Variants in SDK1 observed in about 807,000 individuals in gnomAD.
SDK1 encodes the protein protein sidekick-1.
A neutral mutation model predicts 245.5 loss-of-function variants in SDK1; 157 were observed. The observed-to-expected ratio is 0.64, with a 90% confidence interval of 0.56 to 0.73. The LOEUF (loss-of-function observed/expected upper bound fraction) is 0.73. Ranked by LOEUF, SDK1 falls within the 30% of genes least tolerant of loss-of-function variation. The pLI, the probability that SDK1 is intolerant of heterozygous loss-of-function variation, is 0.00. For missense variants in SDK1, 3,583 were observed against 3,002.3 expected (o/e 1.19, Z -4.52); for synonymous variants, 1,647 against 1,278.5 (o/e 1.29, Z -6.15).
chr7:4,042,605 G>A (rs1788712969), intron 17 of SDK1, among the ~76,000 whole-genome samples: 1 of 92,364 alleles, frequency 1.1e-5, no homozygotes, highest in Admixed American at 8.8e-5. Flanking sequence ...TGGAGGCACA[G>A]CAAGGGTCTA....
chr7:3,763,736 A>C (rs1043831881), intron 4 of SDK1, among the ~76,000 whole-genome samples: 1 of 152,194 alleles, frequency 6.6e-6, no homozygotes, highest in Non-Finnish European at 1.5e-5. Context: ...TAAGAATGCA[A>C]ATATTTTATA....
chr7:3,772,275 T>TACTTTTTATA, intron 4 of SDK1, among the ~76,000 whole-genome samples: 1 of 152,164 alleles, frequency 6.6e-6, no homozygotes, highest in South Asian at 2.1e-4. Flanking sequence ...CTACGTCTGT[T>TACTTTTTATA]TTTCTTGTAG....
intron 14 of SDK1, among the ~76,000 whole-genome samples, chr7:3,995,925 G>A (rs1450911241): frequency 1.3e-5 from 2 of 151,790 alleles, no homozygotes; most frequent in Admixed American, 1.3e-4. Flanking sequence ...CTTTTACGTA[G>A]TTAAATCTAT....
chr7:4,059,733 A>G (rs1004111643), intron 19 of SDK1, among the ~76,000 whole-genome samples: 1 of 152,168 alleles, frequency 6.6e-6, no homozygotes, highest in African/African-American at 2.4e-5. Context: ...CTAAAATTCG[A>G]TCGATATCTT....
chr7:4,114,576 C>T (rs770060983), intron 25 of SDK1, among the ~76,000 whole-genome samples: 18 of 152,164 alleles, frequency 1.2e-4, no homozygotes, highest in Non-Finnish European at 2.4e-4. Flanking sequence ...TGTAAAGTTC[C>T]TATGGGGAAT....
chr7:3,576,825 A>G (rs1583185557), intron 1 of SDK1, among the ~76,000 whole-genome samples: 1 of 152,032 alleles, frequency 6.6e-6, no homozygotes, highest in South Asian at 2.1e-4. Context: ...CTTGTAAATT[A>G]TATACAGTGC....
intron 15 of SDK1, among the ~76,000 whole-genome samples, chr7:4,011,677 G>T (rs1177732619): frequency 6.6e-6 from 1 of 152,190 alleles, no homozygotes; most frequent in Non-Finnish European, 1.5e-5. Flanking sequence ...TTGACTTGTA[G>T]AACAGCTGAG....
At chr7:3,746,978 T>C (rs1456395783) in intron 4 of SDK1, among the ~76,000 whole-genome samples, 1 of 152,240 alleles carries the variant, frequency 6.6e-6, no homozygotes, top group Non-Finnish European at 1.5e-5. Flanking sequence ...CCGTGGCAGC[T>C]ATAGACTTAC....
Position 4,267,830 on chromosome 7 carries a change from G to A in SDK1, c.*2446G>A. ...CTGTCCGAGGCTACGCCGGCCTCCT[G>A]GCTGCTGCTGGACTGTGCTTAGGAC... On this transcript the variant is annotated 3_prime_UTR_variant, in exon 45 of 45. Coordinates refer to ENST00000404826, the MANE Select transcript of SDK1 (RefSeq NM_152744.4). The A allele has an allele frequency of 2.0e-6, 2 of 985,616 alleles. No homozygotes were observed. The highest frequency in any genetic ancestry group is 4.7e-5 in the South Asian group (1 of 21,288). 61.1% of individuals were successfully genotyped at this position (985,616 alleles called of 1,614,324 possible).
intron 5 of SDK1, among the ~76,000 whole-genome samples, chr7:3,916,129 A>G (rs996747190): frequency 3.3e-5 from 5 of 152,198 alleles, no homozygotes; most frequent in African/African-American, 1.2e-4. Flanking sequence ...AGAGAAAAGA[A>G]CAAGCAAGAG....
At position 4,017,108 on chromosome 7, in the gene SDK1, G is replaced by A. The variant is rs192430190; in HGVS notation, c.2421-63G>A. 8.1e-5 allele frequency: 120 copies of A among 1,479,814 alleles called. No homozygotes were observed. The South Asian group carries it at 8.2e-4, about 10-fold the overall frequency. The allele number at this position is 1,479,814 out of a possible 1,614,324, so 91.7% of individuals were successfully genotyped here. A position where few individuals can be genotyped will look rare whatever the true frequency, so the allele number is the denominator to read the frequency against. ...CCCCCTAACCCTGCGGAATAACTGC[G>A]GGTAAACACCGTTCCTGGGTCCAGT... On this transcript the variant is annotated intron_variant, in intron 16 of 44. Transcript: ENST00000404826.
At chr7:3,916,607 G>C (rs1403458150) in intron 5 of SDK1, among the ~76,000 whole-genome samples, 3 of 152,210 alleles carry the variant, frequency 2.0e-5, no homozygotes, top group African/African-American at 7.2e-5. Flanking sequence ...AATTACTTAA[G>C]AGACAGCTAG....
chr7:3,632,558 C>T (rs969381111), intron 2 of SDK1, among the ~76,000 whole-genome samples: 3 of 151,986 alleles, frequency 2.0e-5, no homozygotes, highest in Admixed American at 6.5e-5. Flanking sequence ...TCCATAGACC[C>T]TCCCACACAG....
rs761821477 is a variant in SDK1 at position 4,237,790 on chromosome 7, G to T, written c.6130+6G>T. 6.2e-7 allele frequency: 1 copy of T among 1,614,084 alleles called. No homozygotes were observed. On this transcript the variant is annotated splice_donor_region_variant and intron_variant, in intron 42 of 44. Coordinates refer to ENST00000404826, the MANE Select transcript of SDK1 (RefSeq NM_152744.4). ...GTATAAGAACTGCAGCACAGGTGCA[G>T]GTCCAGCCCCTTCCTCGCGTGTCCC...
intron 4 of SDK1, among the ~76,000 whole-genome samples, chr7:3,770,162 C>T (rs1434566070): frequency 6.6e-6 from 1 of 152,008 alleles, no homozygotes; most frequent in Non-Finnish European, 1.5e-5. Context: ...TGGACTGTAT[C>T]CGTTTCTATA....
chr7:4,165,575 T>C (rs545163363), intron 32 of SDK1, among the ~76,000 whole-genome samples: 1 of 151,926 alleles, frequency 6.6e-6, no homozygotes, highest in Middle Eastern at 3.4e-3. Context: ...CTGCAACCTC[T>C]GCCTCCCGAG....
At chr7:3,688,618 G>T (rs1299906716) in intron 4 of SDK1, among the ~76,000 whole-genome samples, 1 of 152,226 alleles carries the variant, frequency 6.6e-6, no homozygotes, top group African/African-American at 2.4e-5. Context: ...ATGATTTCTA[G>T]AAAGTCACTT....
intron 4 of SDK1, among the ~76,000 whole-genome samples, chr7:3,655,482 T>C (rs1341274718): frequency 9.9e-6 from 1 of 100,590 alleles, no homozygotes; most frequent in Non-Finnish European, 2.1e-5. Context: ...TATATATATA[T>C]ATATATATAT....
At chr7:4,236,126 A>G (rs1488713882) in intron 41 of SDK1, among the ~76,000 whole-genome samples, 1 of 152,176 alleles carries the variant, frequency 6.6e-6, no homozygotes, top group Non-Finnish European at 1.5e-5. Flanking sequence ...CACATCCCCT[A>G]TTCGTGAGAT....
Sources: gnomAD v4.1 joint callset for allele counts (sites outside exome capture counted in the v4.1 genomes callset) on GRCh38, gnomAD v4.1.1 for gene constraint, MANE v1.5 for transcripts, NCBI Gene and HGNC (gene_info 2026-07-23, HGNC 2026-07-21) for gene names.